The following NHSL1 variants were observed in gnomAD, a reference collection of about 807,000 sequenced individuals.
The protein encoded by NHSL1 is NHS like 1.
Under a neutral mutation model 95.0 loss-of-function variants are expected in NHSL1, and 48 were observed. The observed-to-expected ratio is 0.51, with a 90% confidence interval of 0.40 to 0.64. The LOEUF (loss-of-function observed/expected upper bound fraction) is 0.64, where lower values mean the gene tolerates loss of function less well. NHSL1 is among the 30% of genes least tolerant of loss of function. The pLI, the probability that NHSL1 is intolerant of heterozygous loss-of-function variation, is 0.00. For missense variants in NHSL1, 1,971 were observed against 2,077.7 expected (o/e 0.95, Z 1.00); for synonymous variants, 783 against 833.9 (o/e 0.94, Z 1.05).
At chr6:138,619,947 CA>C (rs11376703) in intron 1 of NHSL1, among the ~76,000 whole-genome samples, 2,676 of 102,154 alleles carry the variant, frequency 0.026, 70 homozygotes, top group African/African-American at 0.081. Context: ...AACTCTATCA[CA>C]AAAAAAAAAA....
At chr6:138,656,583 C>T (rs1280725353) in intron 1 of NHSL1, among the ~76,000 whole-genome samples, 3 of 152,182 alleles carry the variant, frequency 2.0e-5, no homozygotes, top group Non-Finnish European at 4.4e-5. Context: ...AGCGATAATA[C>T]ATCAGGTTTA....
In NHSL1 at chr6:138,447,064, C is replaced by T. The variant is rs1456825994; in HGVS notation, c.469G>A (p.Glu157Lys). Residue 157 changes from glutamate to lysine, a missense_variant, in exon 4 of 8, where the codon GAA (glutamate) becomes AAA (lysine). Glu to Lys is a moderately conservative substitution (Grantham distance 56). This residue lies in a region of NHSL1 where 1,602 missense variants were observed against 1,654.5 expected (regional missense o/e 0.97). Transcript: ENST00000343505. ...WTKSLPLPTP[E>K]EKMRQQAQTV... ...TGGGCTTGCTGTCGCATCTTCTCTT[C>T]TGGTGTTGGCAGTGGAAGCGACTTG... The T allele has an allele frequency of 3.2e-6, 5 of 1,551,756 alleles. No homozygotes were observed. In the South Asian group the frequency reaches 3.6e-5, roughly 11 times the overall value.
At chr6:138,504,638 C>T (rs192172191) in intron 1 of NHSL1, among the ~76,000 whole-genome samples, 13 of 152,202 alleles carry the variant, frequency 8.5e-5, no homozygotes, top group African/African-American at 2.4e-4. Context: ...TGCTTGCCAC[C>T]GTGGGTGAGT....
At chr6:138,551,583 T>G (rs1359844102) in intron 1 of NHSL1, among the ~76,000 whole-genome samples, 2 of 152,202 alleles carry the variant, frequency 1.3e-5, no homozygotes, top group African/African-American at 4.8e-5. Context: ...ATACTTCTAG[T>G]TTCACCAGTA....
chr6:138,444,120 C>T (rs1776707793), intron 4 of NHSL1, among the ~76,000 whole-genome samples: 1 of 152,130 alleles, frequency 6.6e-6, no homozygotes, highest in Non-Finnish European at 1.5e-5. Flanking sequence ...CAATAAATAT[C>T]TGTTGAATTA....
rs530591589 is a variant in NHSL1 at position 138,479,940 on chromosome 6, T to C, written c.212-6507A>G. ...TCCTTAAATAGATGGTTACTAAGTA[T>C]GACCTGCTTAAATGAGAGGGAGATG... On this transcript the variant is annotated intron_variant, in intron 2 of 7. Transcript: ENST00000343505. Among the ~76,000 whole-genome samples the C allele has an allele frequency of 5.2e-4, 79 of 152,296 alleles. 1 individual carries two copies. Among genetic ancestry groups the C allele is most frequent in the Non-Finnish European group, 1.0e-3 (70 of 68,032 alleles).
In NHSL1 at chr6:138,431,813, T is replaced by C. The variant is rs1231692074; in HGVS notation, c.2532A>G (p.Arg844=). 24 of 1,551,524 alleles carry C rather than the reference T, an allele frequency of 1.5e-5. No individual in the cohort carries two copies. The highest frequency in any genetic ancestry group is 2.0e-5 in the Non-Finnish European group (23 of 1,146,982). The change falls in exon 6 of 8, where the codon AGA becomes AGG. Residue 844 remains arginine (R), a synonymous_variant. Transcript: ENST00000343505. This position sits in a 1 kb window ranked among gnomAD's most constrained non-coding sequence, Gnocchi z 4.0. The part of the protein sequence containing the change: ...PKIMSPEKSH[R]VISPSSGYSS... ...AATACCCACTGGATGGAGAAATGAC[T>C]CTGTGTGACTTCTCTGGTGACATGA...
chr6:138,466,715 G>A (rs561387011), intron 3 of NHSL1, among the ~76,000 whole-genome samples: 1 of 152,088 alleles, frequency 6.6e-6, no homozygotes, highest in Non-Finnish European at 1.5e-5. Flanking sequence ...ACAGCACAAC[G>A]CATTACTCTT....
At chr6:138,631,204 G>T (rs142603781) in intron 1 of NHSL1, among the ~76,000 whole-genome samples, 188 of 152,266 alleles carry the variant, frequency 1.2e-3, no homozygotes, top group Middle Eastern at 0.01. Flanking sequence ...CGATTCCAGC[G>T]GTCAGATCTT....
intron 1 of NHSL1, among the ~76,000 whole-genome samples, chr6:138,518,042 T>C (rs547233521): frequency 6.6e-6 from 1 of 152,198 alleles, no homozygotes; most frequent in African/African-American, 2.4e-5. Flanking sequence ...GGAGGGGCAG[T>C]AGGGAGTGGG....
In NHSL1 at chr6:138,650,959, C is replaced by T. The variant is rs1785084526; in HGVS notation, c.96+41517G>A. The T allele has an allele frequency of 7.6e-6, 4 of 529,258 alleles. 1 individual carries two copies. Among genetic ancestry groups the T allele is most frequent in the African/African-American group, 1.9e-5 (1 of 51,890 alleles). 32.8% of individuals were successfully genotyped at this position (529,258 alleles called of 1,614,324 possible). The stretch of plus-strand genomic sequence containing the variant: ...TGAAGAAGCTTGGCAGATAGAGGAC[C>T]TTCCTCCCCAGCACATAAGGCTTTG... On this transcript the variant is annotated intron_variant, in intron 1 of 3. Coordinates refer to the NHSL1 transcript ENST00000491526.
Position 138,433,654 on chromosome 6 carries a change from C to G in NHSL1, c.691G>C (p.Asp231His). ...LASGTGQDDADGHSVYTPDHY... is the reference protein window; with the variant it reads ...LASGTGQDDAHGHSVYTPDHY... Reference sequence around the variant, plus strand: ...TCAGGGGTGTACACTGAGTGGCCATCAGCATCATCTTGGCCAGTGCCTGAT... The same window carrying G: ...TCAGGGGTGTACACTGAGTGGCCATGAGCATCATCTTGGCCAGTGCCTGAT... Residue 231 changes from aspartate to histidine, a missense_variant, in exon 6 of 8, where the codon GAT becomes CAT. Coordinates refer to ENST00000343505, the MANE Select transcript of NHSL1 (RefSeq NM_001144060.2). The G allele has an allele frequency of 6.5e-7, 1 of 1,544,552 alleles. No homozygotes were observed. The highest frequency in any genetic ancestry group is 8.8e-7 in the Non-Finnish European group (1 of 1,141,228).
chr6:138,509,499 T>A (rs1368218582), intron 1 of NHSL1, among the ~76,000 whole-genome samples: 1 of 151,946 alleles, frequency 6.6e-6, no homozygotes, highest in Non-Finnish European at 1.5e-5. Context: ...TAGAAAAAAA[T>A]GAGAGCAAAG....
At chr6:138,516,689 C>T (rs1369869243) in intron 1 of NHSL1, among the ~76,000 whole-genome samples, 2 of 152,156 alleles carry the variant, frequency 1.3e-5, no homozygotes, top group African/African-American at 2.4e-5. Context: ...GGCTGGAGTG[C>T]AGTGGTGTGA....
chr6:138,459,277 A>G (rs931958156), intron 3 of NHSL1, among the ~76,000 whole-genome samples: 2 of 152,154 alleles, frequency 1.3e-5, no homozygotes, highest in African/African-American at 4.8e-5. Flanking sequence ...CATGAGTCCC[A>G]CGCCTGACCA....
chr6:138,511,174 T>C (rs1398876822), intron 1 of NHSL1, among the ~76,000 whole-genome samples: 1 of 152,154 alleles, frequency 6.6e-6, no homozygotes, highest in Non-Finnish European at 1.5e-5. Context: ...AGCAGAAAAA[T>C]AACAATGGCA....
In NHSL1 at chr6:138,460,232, T is replaced by C. The variant is rs138808216; in HGVS notation, c.340-13039A>G. On this transcript the variant is annotated intron_variant, in intron 3 of 7. Transcript: ENST00000343505. ...GATGTAAACGTTTGATAAGATTTCT[T>C]TTTTTTTATGGTAATCACTCTGATA... is the stretch of plus-strand genomic sequence containing the variant. 3.1e-3 allele frequency among the ~76,000 whole-genome samples: 469 copies of C among 152,064 alleles called. 4 individuals are homozygous for C. Among genetic ancestry groups the C allele is most frequent in the African/African-American group, 0.011 (459 of 41,470 alleles).
chr6:138,619,167 A>G (rs7760690), intron 1 of NHSL1, among the ~76,000 whole-genome samples: 55 of 152,284 alleles, frequency 3.6e-4, no homozygotes, highest in African/African-American at 1.2e-3. Flanking sequence ...GTGAAACCCC[A>G]TCTCTACTAA....
chr6:138,466,587 C>T (rs184009898), intron 3 of NHSL1, among the ~76,000 whole-genome samples: 100 of 152,276 alleles, frequency 6.6e-4, no homozygotes, highest in Admixed American at 1.4e-3. Flanking sequence ...TACTTACAGT[C>T]ATGTGCAGCA....
Sources: gnomAD v4.1 joint callset for allele counts (sites outside exome capture counted in the v4.1 genomes callset) on GRCh38, gnomAD v4.1.1 for gene constraint, gnomAD v4.1.1 regional missense constraint, Gnocchi (gnomAD v3.1) non-coding constraint, MANE v1.5 for transcripts, NCBI Gene and HGNC (gene_info 2026-07-23, HGNC 2026-07-21) for gene names.